Variants in MRTFA observed in about 807,000 individuals in gnomAD.
The protein encoded by MRTFA is myocardin-related transcription factor A.
Under a neutral mutation model 83.5 loss-of-function variants are expected in MRTFA, and 20 were observed. The observed-to-expected ratio is 0.24, with a 90% CI of 0.17 to 0.35. MRTFA has a LOEUF of 0.35. Among genes scored for constraint, MRTFA ranks in the 10% least tolerant of loss-of-function variants. The pLI, the probability that MRTFA is intolerant of heterozygous loss-of-function variation, is 1.00. For synonymous variants in MRTFA, 659 were observed against 541.2 expected (o/e 1.22, Z -3.02); for missense variants, 1,200 against 1,224.7 (o/e 0.98, Z 0.30).
chr22:40,479,625 T>G (rs879455641), intron 3 of MRTFA, among the ~76,000 whole-genome samples: 1 of 152,190 alleles, frequency 6.6e-6, no homozygotes. Context: ...TGCCATCTCT[T>G]GGAGAGAAAG....
At chr22:40,544,854 T>C (rs1345652053) in intron 3 of MRTFA, among the ~76,000 whole-genome samples, 1 of 151,942 alleles carries the variant, frequency 6.6e-6, no homozygotes, top group African/African-American at 2.4e-5. Context: ...GGAGGAATAT[T>C]TGAGCCCAGG....
In MRTFA at chr22:40,420,921, G is replaced by A; in HGVS notation, c.1107C>T (p.Phe369=). 2 of 1,614,214 alleles carry A rather than the reference G, an allele frequency of 1.2e-6. No homozygotes were observed. Among genetic ancestry groups the A allele is most frequent in the Non-Finnish European group, 1.7e-6 (2 of 1,180,010 alleles). ...GCTGGTTGAGGATCTGCAGCTGGAG[G>A]AAGAGCTGCTGCTGCTGCAGGATCT... The change falls in exon 10 of 15, where the codon TTC becomes TTT. Residue 369 remains phenylalanine (F), a synonymous_variant. Transcript: ENST00000355630.
At chr22:40,509,506 G>C (rs1260770054) in intron 3 of MRTFA, among the ~76,000 whole-genome samples, 1 of 152,176 alleles carries the variant, frequency 6.6e-6, no homozygotes, top group Non-Finnish European at 1.5e-5. Flanking sequence ...TTCCCTAAGT[G>C]AGAGTTTCTA....
intron 12 of MRTFA, 46 bp from the exon 13 acceptor site, chr22:40,417,539 G>A (rs1261112983): frequency 1.5e-5 from 14 of 958,054 alleles, no homozygotes; most frequent in Non-Finnish European, 1.8e-5. Context: ...GGGGCTGGGG[G>A]TGCAGACCTG....
chr22:40,418,703 TCTC>T lies in MRTFA; in HGVS notation c.2032_2034del (p.Glu678del). ...CTCAGCTGGCAGCTGGAGAAGCTGT[TCTC>T]CTGCTTCACGGGGGTGCCGAGGGGG... On this transcript the variant is annotated inframe_deletion, in exon 12 of 15. Transcript: ENST00000355630. 8.5e-7 allele frequency: 1 copy of T among 1,179,052 alleles called. No homozygotes were observed. The highest frequency in any genetic ancestry group is 1.1e-6 in the Non-Finnish European group (1 of 925,134). The allele number at this position is 1,179,052 out of a possible 1,614,324, so 73.0% of individuals were successfully genotyped here.
At chr22:40,548,487 G>A (rs892515144) in intron 3 of MRTFA, among the ~76,000 whole-genome samples, 3 of 151,884 alleles carry the variant, frequency 2.0e-5, no homozygotes, top group Non-Finnish European at 4.4e-5. Context: ...GGAGGACACA[G>A]ACGTAGAAAA....
intron 3 of MRTFA, among the ~76,000 whole-genome samples, chr22:40,491,065 G>A (rs574817016): frequency 3.3e-5 from 5 of 152,236 alleles, no homozygotes; most frequent in Admixed American, 6.5e-5. Flanking sequence ...GAAAGAAGCC[G>A]AGCACGGTGG....
chr22:40,610,998 T>C (rs1425585633), intron 1 of MRTFA, among the ~76,000 whole-genome samples: 3 of 149,964 alleles, frequency 2.0e-5, no homozygotes, highest in Non-Finnish European at 4.4e-5. Flanking sequence ...CAGGCAGTGA[T>C]GCCATCTCGG....
intron 3 of MRTFA, among the ~76,000 whole-genome samples, chr22:40,479,517 T>A (rs1356403993): frequency 6.6e-6 from 1 of 151,496 alleles, no homozygotes; most frequent in African/African-American, 2.4e-5. Context: ...CCTAAAAAAA[T>A]AAAATAAAAT....
At chr22:40,437,167 A>G (rs1423547815) in intron 4 of MRTFA, among the ~76,000 whole-genome samples, 1 of 152,186 alleles carries the variant, frequency 6.6e-6, no homozygotes, top group East Asian at 1.9e-4. Flanking sequence ...CTACCTGGGC[A>G]CTATCCAGGA....
At chr22:40,505,919 G>C (rs1310373879) in intron 3 of MRTFA, among the ~76,000 whole-genome samples, 1 of 152,182 alleles carries the variant, frequency 6.6e-6, no homozygotes, top group Non-Finnish European at 1.5e-5. Context: ...AGAAAAAGTA[G>C]ATATAACATA....
intron 2 of MRTFA, among the ~76,000 whole-genome samples, chr22:40,574,782 G>C (rs1456376042): frequency 1.3e-5 from 2 of 152,080 alleles, no homozygotes; most frequent in African/African-American, 4.8e-5. Context: ...GTATATGGGA[G>C]GATGTAAATT....
At chr22:40,545,107 G>A (rs2055343142) in intron 3 of MRTFA, among the ~76,000 whole-genome samples, 1 of 151,740 alleles carries the variant, frequency 6.6e-6, no homozygotes, top group African/African-American at 2.4e-5. Flanking sequence ...TGATTCAATG[G>A]ATGCCAGAAC....
intron 2 of MRTFA, among the ~76,000 whole-genome samples, chr22:40,574,423 T>C (rs544730416): frequency 6.6e-6 from 1 of 150,424 alleles, no homozygotes; most frequent in South Asian, 2.1e-4. Context: ...TACACTGCAT[T>C]AGTTATTATT....
intron 3 of MRTFA, among the ~76,000 whole-genome samples, chr22:40,464,656 G>A (rs1054053779): frequency 7.2e-5 from 11 of 152,078 alleles, no homozygotes; most frequent in African/African-American, 2.7e-4. Context: ...AATCTACTGG[G>A]AATCATCTTA....
chr22:40,573,739 T>TAA (rs537430733), intron 2 of MRTFA, among the ~76,000 whole-genome samples: 3 of 143,334 alleles, frequency 2.1e-5, no homozygotes, highest in Non-Finnish European at 3.1e-5. Context: ...CCTGTGTCTT[T>TAA]AAAAAAAAAA....
chr22:40,482,125 T>C (rs910975317), intron 3 of MRTFA, among the ~76,000 whole-genome samples: 5 of 151,706 alleles, frequency 3.3e-5, no homozygotes, highest in Non-Finnish European at 7.4e-5. Context: ...TGTCACTGGG[T>C]AGAAGTACTA....
At chr22:40,504,492 A>C (rs2054548231) in intron 3 of MRTFA, among the ~76,000 whole-genome samples, 1 of 152,224 alleles carries the variant, frequency 6.6e-6, no homozygotes, top group South Asian at 2.1e-4. Context: ...TCTGTTAGGA[A>C]ACAGTACCTT....
At chr22:40,573,985 A>G (rs73169040) in intron 2 of MRTFA, among the ~76,000 whole-genome samples, 12,391 of 152,150 alleles carry the variant, frequency 0.081, 750 homozygotes, top group East Asian at 0.25. Flanking sequence ...CATGGGCTCA[A>G]ACAATCCTCC....
Sources: gnomAD v4.1 joint callset for allele counts (sites outside exome capture counted in the v4.1 genomes callset) on GRCh38, gnomAD v4.1.1 for gene constraint, MANE v1.5 for transcripts, NCBI Gene and HGNC (gene_info 2026-07-23, HGNC 2026-07-21) for gene names.